Variants in ZNF718 observed in about 807,000 individuals in gnomAD.
ZNF718 encodes zinc finger protein 718.
Under a neutral mutation model 2.6 loss-of-function variants are expected in ZNF718, and 3 were observed. The ratio of observed to expected loss-of-function variants is 1.16; its 90% confidence interval spans 0.53 to 3.01. The LOEUF is 3.01. ZNF718 is among the 30% of genes most tolerant of loss of function. The pLI is 0.03. For synonymous variants in ZNF718, 135 were observed against 77.9 expected, an observed-to-expected ratio of 1.73 and a Z score of -3.86; for missense variants, 468 against 230.0, an observed-to-expected ratio of 2.03 and a Z score of -6.69.
chr4:129,775 T>A (rs1715307931), intron 1 of ZNF718, among the ~76,000 whole-genome samples: 1 of 65,574 alleles, frequency 1.5e-5, no homozygotes, highest in Non-Finnish European at 3.0e-5. Flanking sequence ...ATTCTACGCA[T>A]TTAAAAAAAA....
At chr4:167,775 T>C (rs1312661152), downstream of ZNF718, among the ~76,000 whole-genome samples, 1 of 152,166 alleles carries the variant, frequency 6.6e-6, no homozygotes, top group African/African-American at 2.4e-5. Context: ...GTTTTCTTGA[T>C]ATACAATCTT....
downstream of ZNF718, among the ~76,000 whole-genome samples, chr4:166,621 T>A (rs369636285): frequency 1.3e-5 from 2 of 152,372 alleles, no homozygotes; most frequent in East Asian, 1.9e-4. Context: ...CATTTTTTCA[T>A]GTGTCTCTTG....
rs1717168512 is a variant in ZNF718, at chr4:169,326, T to G, written c.227-31755T>G. 2.0e-5 allele frequency among the ~76,000 whole-genome samples: 3 copies of G among 152,206 alleles called. No individual in the cohort carries two copies. In the South Asian group the frequency reaches 6.2e-4, roughly 31 times the overall value. ...GTGGTGCTGAGAAGAATGTATATTCTGTTGATTTGGGGTGGAGAGTTCTGT... is the reference window on the plus strand; with the variant it reads ...GTGGTGCTGAGAAGAATGTATATTCGGTTGATTTGGGGTGGAGAGTTCTGT... On this transcript the variant is annotated intron_variant and NMD_transcript_variant, in intron 3 of 4. Coordinates refer to the ZNF718 transcript ENST00000642529.
At chr4:167,833 A>G (rs181940912), downstream of ZNF718, among the ~76,000 whole-genome samples, 303 of 152,202 alleles carry the variant, frequency 2.0e-3, 2 homozygotes, top group African/African-American at 6.9e-3. Context: ...CTAATTGAAT[A>G]TGCTTTATTT....
At chr4:181,896 A>G (rs782611056) in intron 3 of ZNF718, among the ~76,000 whole-genome samples, 21 of 152,136 alleles carry the variant, frequency 1.4e-4, no homozygotes, top group Non-Finnish European at 2.5e-4. Context: ...GCTCCCACCT[A>G]TAAGTGAGAA....
At chr4:149,547 C>G (rs1553812143) in intron 3 of ZNF718, among the ~76,000 whole-genome samples, 1 of 151,942 alleles carries the variant, frequency 6.6e-6, no homozygotes, top group African/African-American at 2.4e-5. Context: ...CAAATCTATA[C>G]CTTTAATGAT....
In ZNF718 at chr4:130,582, A is replaced by T. The variant is rs1232832731; in HGVS notation, c.4-206A>T. On this transcript the variant is annotated intron_variant, in intron 1 of 3. Coordinates refer to ENST00000510175, the MANE Select transcript of ZNF718 (RefSeq NM_001039127.6). ...CCAACATCGTGAAACCCTGTCTCTA[A>T]TAAACAAAAATTAGCCAGGCATGGT... Among the ~76,000 whole-genome samples, 7 of 102,132 alleles carry T rather than the reference A, an allele frequency of 6.9e-5. 2 individuals are homozygous for T. Among genetic ancestry groups the T allele is most frequent in the Non-Finnish European group, 4.3e-5 (2 of 46,148 alleles). 67.0% of individuals were successfully genotyped at this position (102,132 alleles called of 152,430 possible). A position where few individuals can be genotyped will look rare whatever the true frequency, so the allele number is the denominator to read the frequency against.
chr4:124,920 T>C, intron 1 of ZNF718: 1 of 452,630 alleles, frequency 2.2e-6, no homozygotes, highest in South Asian at 2.5e-5. Flanking sequence ...GAGTAGGAGC[T>C]CATCCGGAAG....
intron 3 of ZNF718, among the ~76,000 whole-genome samples, chr4:149,278 T>C (rs147274395): frequency 1.0e-3 from 153 of 152,318 alleles, no homozygotes; most frequent in African/African-American, 3.5e-3. Context: ...TTATTAATTA[T>C]TGAGATGCAT....
chr4:172,676 G>T (rs1208009558), intron 3 of ZNF718, among the ~76,000 whole-genome samples: 3 of 152,088 alleles, frequency 2.0e-5, no homozygotes, highest in African/African-American at 4.8e-5. Flanking sequence ...CAAAATAAAT[G>T]ATTAACAACC....
At chr4:177,372 G>A (rs1245406168) in intron 3 of ZNF718, among the ~76,000 whole-genome samples, 1 of 152,190 alleles carries the variant, frequency 6.6e-6, no homozygotes, top group East Asian at 1.9e-4. Context: ...GAAAAATGCT[G>A]TTTCTGGGTT....
intron 3 of ZNF718, among the ~76,000 whole-genome samples, chr4:181,479 G>C (rs954765565): frequency 6.6e-6 from 1 of 151,848 alleles, no homozygotes; most frequent in Non-Finnish European, 1.5e-5. Context: ...TTTGAGTTAG[G>C]TGGTTCAGCT....
rs1716999806 is a variant in ZNF718 at position 163,558 on chromosome 4, A to T, written c.*1436A>T. Reference sequence around the variant, plus strand: ...TTTGTGGTTGACTTATCATTGCATGATGCATGACGTACATGTTCAGAGTAA... The same window carrying T: ...TTTGTGGTTGACTTATCATTGCATGTTGCATGACGTACATGTTCAGAGTAA... On this transcript the variant is annotated 3_prime_UTR_variant, in exon 4 of 4. Coordinates refer to ENST00000510175, the MANE Select transcript of ZNF718 (RefSeq NM_001039127.6). 2 of 152,178 alleles carry T rather than the reference A, an allele frequency of 1.3e-5. No individual in the cohort carries two copies. Among genetic ancestry groups the T allele is most frequent in the Non-Finnish European group, 2.9e-5 (2 of 68,036 alleles). 9.4% of individuals were successfully genotyped at this position (152,178 alleles called of 1,614,324 possible).
chr4:182,400 A>ATTTT (rs1553819945), intron 3 of ZNF718, among the ~76,000 whole-genome samples: 1 of 138,904 alleles, frequency 7.2e-6, no homozygotes, highest in South Asian at 2.4e-4. Flanking sequence ...TTTGATTTTG[A>ATTTT]TTTATATTTA....
chr4:155,997 G>T (rs1716551048), intron 3 of ZNF718, among the ~76,000 whole-genome samples: 2 of 152,134 alleles, frequency 1.3e-5, no homozygotes, highest in Non-Finnish European at 2.9e-5. Context: ...GTTTTTATAA[G>T]AGGTTTCCCC....
intron 3 of ZNF718, among the ~76,000 whole-genome samples, chr4:194,050 G>T (rs1266127159): frequency 6.6e-6 from 1 of 152,184 alleles, no homozygotes; most frequent in Non-Finnish European, 1.5e-5. Context: ...CATGACTAAG[G>T]TGGCCTTTTT....
chr4:159,040 CTTTT>C (rs201288037), intron 3 of ZNF718, among the ~76,000 whole-genome samples: 2 of 136,398 alleles, frequency 1.5e-5, no homozygotes, highest in Admixed American at 7.4e-5. Context: ...TTTCTTTTTT[CTTTT>C]TTTTTTTTTT....
At chr4:181,742 T>G (rs1454424528) in intron 3 of ZNF718, among the ~76,000 whole-genome samples, 2 of 152,126 alleles carry the variant, frequency 1.3e-5, no homozygotes, top group African/African-American at 2.4e-5. Context: ...CATGGTGGTT[T>G]GCTGCACAGA....
chr4:171,810 G>T (rs371979553), intron 3 of ZNF718, among the ~76,000 whole-genome samples: 2 of 152,160 alleles, frequency 1.3e-5, no homozygotes, highest in African/African-American at 2.4e-5. Flanking sequence ...GCAATGCCTC[G>T]CCCTGCTTCA....
Sources: allele counts gnomAD v4.1 joint callset (sites outside exome capture counted in the v4.1 genomes callset), GRCh38; gene constraint gnomAD v4.1.1; transcripts MANE v1.5; gene names NCBI Gene and HGNC (gene_info 2026-07-23, HGNC 2026-07-21).